Variants in SEZ6L observed in about 807,000 individuals in gnomAD.
SEZ6L encodes the protein seizure related 6 homolog like, also known as seizure 6-like protein.
Under a neutral mutation model 106.2 loss-of-function variants are expected in SEZ6L, and 37 were observed. The observed-to-expected ratio is 0.35, with a 90% CI of 0.27 to 0.46. SEZ6L has a LOEUF of 0.46. Ranked by LOEUF, SEZ6L falls within the 20% of genes least tolerant of loss-of-function variation. The pLI is 1.00. For missense variants in SEZ6L, 1,172 were observed against 1,332.8 expected, an observed-to-expected ratio of 0.88 and a Z score of 1.88; for synonymous variants, 541 against 570.4, an observed-to-expected ratio of 0.95 and a Z score of 0.73.
At chr22:26,253,244 C>A (rs1364273027) in intron 1 of SEZ6L, among the ~76,000 whole-genome samples, 1 of 152,198 alleles carries the variant, frequency 6.6e-6, no homozygotes, top group East Asian at 1.9e-4. Context: ...CACCAGGATA[C>A]CCTTTCTTAT....
At chr22:26,183,691 G>A (rs1939562094) in intron 1 of SEZ6L, among the ~76,000 whole-genome samples, 1 of 152,222 alleles carries the variant, frequency 6.6e-6, no homozygotes, top group South Asian at 2.1e-4. Flanking sequence ...GCAACAATAT[G>A]TTGGCATTTC....
intron 1 of SEZ6L, among the ~76,000 whole-genome samples, chr22:26,284,872 G>A (rs1461800222): frequency 6.6e-6 from 1 of 152,038 alleles, no homozygotes; most frequent in Non-Finnish European, 1.5e-5. Flanking sequence ...TTCTCTCTAT[G>A]ATCTTGAACA....
chr22:26,190,553 C>G (rs573228811), intron 1 of SEZ6L, among the ~76,000 whole-genome samples: 32 of 152,278 alleles, frequency 2.1e-4, no homozygotes, highest in Admixed American at 9.8e-4. Flanking sequence ...GTTTTCTCAT[C>G]TTTAACAGGA....
intron 9 of SEZ6L, among the ~76,000 whole-genome samples, chr22:26,339,804 G>C (rs895205459): frequency 2.0e-5 from 3 of 152,182 alleles, no homozygotes; most frequent in African/African-American, 7.2e-5. Context: ...CTGTAGCCTG[G>C]TGCCTAACAC....
At chr22:26,299,725 G>A (rs749031531) in intron 5 of SEZ6L, among the ~76,000 whole-genome samples, 7 of 152,074 alleles carry the variant, frequency 4.6e-5, no homozygotes, top group African/African-American at 9.7e-5. Flanking sequence ...CTGTTTATTC[G>A]TTAGTAGACA....
chr22:26,216,333 G>C (rs2078298921), intron 1 of SEZ6L, among the ~76,000 whole-genome samples: 1 of 152,148 alleles, frequency 6.6e-6, no homozygotes, highest in African/African-American at 2.4e-5. Context: ...TCCCCAAGTG[G>C]TGGATGTTTA....
At chr22:26,284,733 T>A (rs1338356755) in intron 1 of SEZ6L, among the ~76,000 whole-genome samples, 1 of 152,176 alleles carries the variant, frequency 6.6e-6, no homozygotes, top group African/African-American at 2.4e-5. Context: ...TACTTTTGAT[T>A]TCTTACCTCT....
At chr22:26,273,923 C>T (rs974957231) in intron 1 of SEZ6L, among the ~76,000 whole-genome samples, 16 of 152,268 alleles carry the variant, frequency 1.1e-4, no homozygotes, top group African/African-American at 3.9e-4. Flanking sequence ...AGGTGTAGAC[C>T]TGGCGTGGAC....
At chr22:26,318,792 A>G (rs1193629399) in intron 9 of SEZ6L, among the ~76,000 whole-genome samples, 1 of 152,204 alleles carries the variant, frequency 6.6e-6, no homozygotes, top group East Asian at 1.9e-4. Flanking sequence ...TTATCTATTT[A>G]TCTATTATAC....
chr22:26,331,104 C>T (rs1056329418), intron 9 of SEZ6L, among the ~76,000 whole-genome samples: 2 of 152,218 alleles, frequency 1.3e-5, no homozygotes, highest in African/African-American at 4.8e-5. Flanking sequence ...ACCACCTGCT[C>T]CCCACATCCA....
intron 9 of SEZ6L, among the ~76,000 whole-genome samples, chr22:26,321,402 C>T (rs1245578936): frequency 6.6e-6 from 1 of 152,202 alleles, no homozygotes; most frequent in Non-Finnish European, 1.5e-5. Flanking sequence ...TTGAAGGCCA[C>T]ATTAGGGAGT....
chr22:26,224,481 T>G (rs1194664095), intron 1 of SEZ6L, among the ~76,000 whole-genome samples: 1 of 152,140 alleles, frequency 6.6e-6, no homozygotes, highest in East Asian at 1.9e-4. Context: ...GGGCTTACTC[T>G]ATGTGTAATG....
chr22:26,302,212 C>T (rs12158542), intron 5 of SEZ6L, among the ~76,000 whole-genome samples: 1,782 of 152,282 alleles, frequency 0.012, 25 homozygotes, highest in African/African-American at 0.04. Context: ...GTGTGGTCCT[C>T]GGACTAGCAA....
chr22:26,185,091 C>G (rs577326416), intron 1 of SEZ6L, among the ~76,000 whole-genome samples: 13 of 152,214 alleles, frequency 8.5e-5, no homozygotes, highest in African/African-American at 3.1e-4. Context: ...CCAAACAAAA[C>G]AAAACAAAAC....
chr22:26,323,360 C>T (rs1044020153), intron 9 of SEZ6L, among the ~76,000 whole-genome samples: 2 of 152,202 alleles, frequency 1.3e-5, no homozygotes, highest in Non-Finnish European at 2.9e-5. Flanking sequence ...AGGCTGGGCA[C>T]AGTGGCTCAT....
chr22:26,325,567 A>C (rs875030), intron 9 of SEZ6L, among the ~76,000 whole-genome samples: 46,820 of 152,028 alleles, frequency 0.31, 7,364 homozygotes, highest in East Asian at 0.39. Flanking sequence ...TGCTTTCAGC[A>C]TGTGGGAGAC....
intron 1 of SEZ6L, among the ~76,000 whole-genome samples, chr22:26,277,484 G>A (rs926580452): frequency 6.6e-6 from 1 of 152,166 alleles, no homozygotes; most frequent in Non-Finnish European, 1.5e-5. Flanking sequence ...TTAATCAGTT[G>A]GGCTTCTGTT....
rs183822106 is a variant in SEZ6L at position 26,362,316 on chromosome 22, G to A, written c.2600-3056G>A. ...CAAGTATACAGATGACCTTCAATTA[G>A]TGGAAGGATTAGCCTTGGCCAAGTG... On this transcript the variant is annotated intron_variant, in intron 12 of 16. Transcript: ENST00000248933. 7.2e-5 allele frequency among the ~76,000 whole-genome samples: 11 copies of A among 152,350 alleles called. No individual in the cohort carries two copies. In the East Asian group the frequency reaches 2.1e-3, roughly 29 times the overall value.
chr22:26,183,035 G>A (rs908249939), intron 1 of SEZ6L, among the ~76,000 whole-genome samples: 1 of 152,124 alleles, frequency 6.6e-6, no homozygotes, highest in Non-Finnish European at 1.5e-5. Context: ...AGACCCCTGG[G>A]AAGGCTGAGA....
Sources: allele counts gnomAD v4.1 joint callset (sites outside exome capture counted in the v4.1 genomes callset), GRCh38; gene constraint gnomAD v4.1.1; transcripts MANE v1.5; gene names NCBI Gene and HGNC (gene_info 2026-07-23, HGNC 2026-07-21).